GRM5: variants seen among roughly 807,000 people sequenced by gnomAD.
GRM5 encodes the protein metabotropic glutamate receptor 5.
In GRM5, 19 loss-of-function variants were observed where a neutral mutation model predicts 83.1. The observed-to-expected ratio is 0.23, with a 90% confidence interval of 0.16 to 0.34. The LOEUF (loss-of-function observed/expected upper bound fraction) is 0.34, where lower values mean the gene tolerates loss of function less well. GRM5 is among the 10% of genes least tolerant of loss of function. The probability of loss-of-function intolerance (pLI) is 1.00; values close to 1 mark genes in which losing one functional copy is unlikely to be tolerated. For missense variants in GRM5, 1,160 were observed against 1,588.3 expected (o/e 0.73, Z 4.58); for synonymous variants, 675 against 633.6 (o/e 1.07, Z -0.98).
chr11:89,064,915 T>TGTGA (rs1431752395), intron 1 of GRM5, among the ~76,000 whole-genome samples: 1 of 57,962 alleles, frequency 1.7e-5, no homozygotes, highest in African/African-American at 6.4e-5. Context: ...TGTGTGTGTG[T>TGTGA]GAGAGAGAGA....
At chr11:88,988,542 C>G (rs1433252403) in intron 2 of GRM5, among the ~76,000 whole-genome samples, 1 of 151,772 alleles carries the variant, frequency 6.6e-6, no homozygotes, top group African/African-American at 2.4e-5. Context: ...AAGAGCAACT[C>G]CAAGACACAT....
intron 1 of GRM5, among the ~76,000 whole-genome samples, chr11:89,050,076 C>G (rs1392465593): frequency 6.6e-6 from 1 of 152,144 alleles, no homozygotes; most frequent in Non-Finnish European, 1.5e-5. Context: ...GCTCGTGTGG[C>G]TGAAATATCA....
At chr11:89,061,008 C>A (rs1452041071) in intron 1 of GRM5, among the ~76,000 whole-genome samples, 5 of 152,114 alleles carry the variant, frequency 3.3e-5, no homozygotes. Context: ...AGTGCAGAAT[C>A]TTCCTGCTTT....
chr11:88,649,749 C>G (rs1222346638), intron 4 of GRM5, among the ~76,000 whole-genome samples: 1 of 151,194 alleles, frequency 6.6e-6, no homozygotes, highest in African/African-American at 2.4e-5. Context: ...TGAAAATGTT[C>G]TAAGAAAAAT....
chr11:88,755,987 G>T (rs558982324), intron 3 of GRM5, among the ~76,000 whole-genome samples: 8 of 152,072 alleles, frequency 5.3e-5, no homozygotes, highest in Non-Finnish European at 1.0e-4. Flanking sequence ...ACAAACAGAG[G>T]TTGGGACTGA....
intron 4 of GRM5, among the ~76,000 whole-genome samples, chr11:88,626,246 A>C (rs1265097863): frequency 6.6e-6 from 1 of 152,228 alleles, no homozygotes; most frequent in Non-Finnish European, 1.5e-5. Context: ...AGTATAGATA[A>C]GAGGTTTTAG....
intron 2 of GRM5, among the ~76,000 whole-genome samples, chr11:88,908,015 A>G (rs1192764411): frequency 6.6e-6 from 1 of 152,158 alleles, no homozygotes; most frequent in East Asian, 1.9e-4. Context: ...TCAATTTTGG[A>G]GAAAGTGGTT....
chr11:88,933,513 A>G (rs188624173), intron 2 of GRM5, among the ~76,000 whole-genome samples: 107 of 151,944 alleles, frequency 7.0e-4, no homozygotes, highest in Middle Eastern at 3.4e-3. Context: ...TACTCTTTGG[A>G]CAGATTTCTT....
intron 2 of GRM5, among the ~76,000 whole-genome samples, chr11:89,035,794 G>C (rs1391831273): frequency 1.3e-5 from 2 of 151,956 alleles, no homozygotes; most frequent in South Asian, 2.1e-4. Flanking sequence ...ATCTGGCAGA[G>C]CATTTAATTT....
At chr11:88,809,955 T>C (rs12273050) in intron 3 of GRM5, among the ~76,000 whole-genome samples, 3,882 of 152,158 alleles carry the variant, frequency 0.026, 175 homozygotes, top group African/African-American at 0.089. Flanking sequence ...TTGAATTTAA[T>C]TGTGTGTCTT....
At chr11:88,954,430 C>T (rs1325537499) in intron 2 of GRM5, among the ~76,000 whole-genome samples, 4 of 152,028 alleles carry the variant, frequency 2.6e-5, no homozygotes. Flanking sequence ...TGTTATTATT[C>T]TTATCACATG....
chr11:88,640,901 A>G (rs12802146), intron 4 of GRM5, among the ~76,000 whole-genome samples: 105,340 of 152,062 alleles, frequency 0.69, 41,801 homozygotes, highest in Non-Finnish European at 0.9. Context: ...TAGAGATGCC[A>G]TTAATTAGAC....
intron 8 of GRM5, among the ~76,000 whole-genome samples, chr11:88,549,387 C>A (rs760129898): frequency 5.3e-5 from 8 of 150,854 alleles, no homozygotes; most frequent in African/African-American, 1.9e-4. Flanking sequence ...AGGCCATGGA[C>A]GTTGCTTATG....
At chr11:88,604,142 T>G (rs1230660693) in intron 5 of GRM5, among the ~76,000 whole-genome samples, 10 of 152,162 alleles carry the variant, frequency 6.6e-5, no homozygotes, top group Admixed American at 6.5e-4. Flanking sequence ...CCTATACTTA[T>G]GAGTTTATGT....
At chr11:88,887,744 G>A (rs1309621552) in intron 2 of GRM5, among the ~76,000 whole-genome samples, 2 of 152,138 alleles carry the variant, frequency 1.3e-5, no homozygotes, top group African/African-American at 2.4e-5. Context: ...TATTCAGCCT[G>A]CACTCCCCTG....
intron 2 of GRM5, among the ~76,000 whole-genome samples, chr11:89,017,971 T>C (rs567412068): frequency 3.8e-4 from 58 of 152,236 alleles, no homozygotes; most frequent in African/African-American, 1.3e-3. Flanking sequence ...TTCAGTTATA[T>C]ATCCACTGCT....
chr11:88,940,017 T>C (rs1565301537), intron 2 of GRM5, among the ~76,000 whole-genome samples: 1 of 151,904 alleles, frequency 6.6e-6, no homozygotes. Flanking sequence ...TCTTTTATAT[T>C]ATGTGTTATC....
intron 2 of GRM5, among the ~76,000 whole-genome samples, chr11:89,039,377 A>C (rs1308226495): frequency 3.9e-5 from 6 of 152,106 alleles, no homozygotes; most frequent in African/African-American, 1.4e-4. Context: ...AGAAGAACAA[A>C]TAGTCCAACA....
chr11:88,753,455 G>A (rs1420458548), intron 3 of GRM5, among the ~76,000 whole-genome samples: 1 of 151,858 alleles, frequency 6.6e-6, no homozygotes, highest in Non-Finnish European at 1.5e-5. Context: ...AATAACAGAT[G>A]ATGGCGAGAT....
Sources: allele counts gnomAD v4.1 joint callset (sites outside exome capture counted in the v4.1 genomes callset), GRCh38; gene constraint gnomAD v4.1.1; transcripts MANE v1.5; gene names NCBI Gene and HGNC (gene_info 2026-07-23, HGNC 2026-07-21).